SNX29: variants seen among roughly 807,000 people sequenced by gnomAD.
SNX29 encodes the protein sorting nexin-29.
A neutral mutation model predicts 102.1 loss-of-function variants in SNX29; 78 were observed. That is an observed-to-expected ratio of 0.76 (90% CI 0.64 to 0.92). The LOEUF (loss-of-function observed/expected upper bound fraction) is 0.92, where lower values mean the gene tolerates loss of function less well. SNX29 is among the 40% of genes least tolerant of loss of function. The pLI is 0.00. For synonymous variants in SNX29, 580 were observed against 414.5 expected, an observed-to-expected ratio of 1.40 and a Z score of -4.85; for missense variants, 1,280 against 1,061.7, an observed-to-expected ratio of 1.21 and a Z score of -2.86.
intron 16 of SNX29, among the ~76,000 whole-genome samples, chr16:12,385,204 G>C (rs568260004): frequency 1.3e-5 from 2 of 152,132 alleles, no homozygotes; most frequent in South Asian, 2.1e-4. Context: ...GTGGGGACAC[G>C]GGAGAAGGGA....
At chr16:12,303,911 A>C (rs916071859) in intron 15 of SNX29, among the ~76,000 whole-genome samples, 1 of 152,042 alleles carries the variant, frequency 6.6e-6, no homozygotes, top group African/African-American at 2.4e-5. Flanking sequence ...TCTCCCTCCT[A>C]TTCCCCCAGC....
At chr16:12,205,157 G>A (rs958567223) in intron 14 of SNX29, among the ~76,000 whole-genome samples, 5 of 152,200 alleles carry the variant, frequency 3.3e-5, no homozygotes, top group African/African-American at 9.6e-5. Context: ...AGGGGAGCTT[G>A]CAGGGTAACT....
intron 20 of SNX29, among the ~76,000 whole-genome samples, chr16:12,567,750 G>T (rs184700387): frequency 1.3e-5 from 2 of 152,118 alleles, no homozygotes; most frequent in African/African-American, 2.4e-5. Context: ...GGCAAGAGTC[G>T]AGACTGTCTC....
chr16:12,571,894 C>A lies in SNX29; in HGVS notation c.*3265C>A. 2 of 1,061,772 alleles carry A rather than the reference C, an allele frequency of 1.9e-6. No individual in the cohort carries two copies. The highest frequency in any genetic ancestry group is 2.3e-6 in the Non-Finnish European group (2 of 877,050). The allele number at this position is 1,061,772 out of a possible 1,614,324, so 65.8% of individuals were successfully genotyped here. On this transcript the variant is annotated 3_prime_UTR_variant, in exon 21 of 21. Coordinates refer to ENST00000566228, the MANE Select transcript of SNX29 (RefSeq NM_032167.5). The stretch of plus-strand genomic sequence containing the variant: ...TAGAGTTTGGAGCTGAGGTTCAAAG[C>A]CCCCTGCATTTCTCTACTGGCAGGC...
chr16:12,554,511 G>C (rs890150159), intron 20 of SNX29, among the ~76,000 whole-genome samples: 2 of 152,226 alleles, frequency 1.3e-5, no homozygotes, highest in East Asian at 3.9e-4. Flanking sequence ...TCCGCAGCAG[G>C]ATGCTGCATT....
chr16:12,177,663 C>T (rs566477876), intron 13 of SNX29, among the ~76,000 whole-genome samples: 2 of 152,336 alleles, frequency 1.3e-5, no homozygotes, highest in Admixed American at 6.5e-5. Flanking sequence ...CACCCACCCA[C>T]CTATGCAATT....
chr16:12,141,515 A>G (rs350271), intron 13 of SNX29, among the ~76,000 whole-genome samples: 101,255 of 152,224 alleles, frequency 0.67, 34,672 homozygotes, highest in East Asian at 0.91. Context: ...AGCGGCATGG[A>G]CCAACTGACT....
At chr16:12,263,821 A>T (rs962022473) in intron 14 of SNX29, among the ~76,000 whole-genome samples, 6 of 152,200 alleles carry the variant, frequency 3.9e-5, no homozygotes, top group Non-Finnish European at 7.3e-5. Flanking sequence ...ATTGGTCAGT[A>T]ATTCAGTCAG....
chr16:12,417,989 G>T (rs984394391), intron 18 of SNX29, among the ~76,000 whole-genome samples: 1 of 152,158 alleles, frequency 6.6e-6, no homozygotes, highest in African/African-American at 2.4e-5. Context: ...CTGGGAAGGG[G>T]AAGGGAATAG....
intron 19 of SNX29, among the ~76,000 whole-genome samples, chr16:12,481,529 CACACACACACACACACACACACACA>C (rs2087926866): frequency 6.7e-6 from 1 of 149,002 alleles, no homozygotes; most frequent in African/African-American, 2.5e-5. Flanking sequence ...CACACACACA[CACACACACACACACACACACACACA>C]CCCCAAATGT....
chr16:12,104,427 A>C (rs1452697965), intron 11 of SNX29, among the ~76,000 whole-genome samples: 2 of 152,106 alleles, frequency 1.3e-5, no homozygotes, highest in African/African-American at 2.4e-5. Context: ...GTGGTGGTGC[A>C]TGCCTGTAAT....
At position 12,570,308 on chromosome 16, in the gene SNX29, A is replaced by G. The variant is rs966290401; in HGVS notation, c.*1679A>G. ...AGTTTGCGAGTGTGGAGGACCCGAGACATCCTGTAAAGGCAACTTGGTCTC... is the reference window on the plus strand; with the variant it reads ...AGTTTGCGAGTGTGGAGGACCCGAGGCATCCTGTAAAGGCAACTTGGTCTC... On this transcript the variant is annotated 3_prime_UTR_variant, in exon 21 of 21. Coordinates refer to ENST00000566228, the MANE Select transcript of SNX29 (RefSeq NM_032167.5). 2.9e-6 allele frequency: 3 copies of G among 1,029,982 alleles called. No homozygotes were observed. Among genetic ancestry groups the G allele is most frequent in the East Asian group, 5.0e-5 (1 of 19,880 alleles). 63.8% of individuals were successfully genotyped at this position (1,029,982 alleles called of 1,614,324 possible).
At chr16:12,522,233 C>T (rs1355565901) in intron 19 of SNX29, among the ~76,000 whole-genome samples, 2 of 152,202 alleles carry the variant, frequency 1.3e-5, no homozygotes, top group Non-Finnish European at 2.9e-5. Context: ...TTGTATAGAA[C>T]ATACTTTTTG....
chr16:12,245,969 A>T (rs1454084508), intron 14 of SNX29, among the ~76,000 whole-genome samples: 2 of 152,214 alleles, frequency 1.3e-5, no homozygotes, highest in Non-Finnish European at 2.9e-5. Context: ...AGGGATATTA[A>T]CAATGCTTAA....
At chr16:12,189,249 T>G (rs1485337058) in intron 13 of SNX29, among the ~76,000 whole-genome samples, 7 of 152,248 alleles carry the variant, frequency 4.6e-5, no homozygotes, top group Admixed American at 6.5e-5. Context: ...AATCTTCACA[T>G]TATGCTCAAC....
intron 20 of SNX29, among the ~76,000 whole-genome samples, chr16:12,527,826 C>CTTT (rs767257136): frequency 0.023 from 3,213 of 138,290 alleles, 94 homozygotes; most frequent in East Asian, 0.086. Context: ...TCTTCTTCTT[C>CTTT]TTTTTTTTTT....
chr16:12,295,638 C>G (rs966610258), intron 15 of SNX29, among the ~76,000 whole-genome samples: 2 of 152,226 alleles, frequency 1.3e-5, no homozygotes, highest in Non-Finnish European at 2.9e-5. Flanking sequence ...GGCAAGCTCT[C>G]AGCAACTCTT....
chr16:12,286,538 G>C (rs946469512), intron 15 of SNX29, among the ~76,000 whole-genome samples: 15 of 151,328 alleles, frequency 9.9e-5, no homozygotes, highest in African/African-American at 3.6e-4. Context: ...GTAGAGATGG[G>C]GTTTCACCGT....
chr16:12,399,851 G>A (rs1168739022), intron 17 of SNX29, among the ~76,000 whole-genome samples: 3 of 152,100 alleles, frequency 2.0e-5, no homozygotes, highest in Non-Finnish European at 4.4e-5. Flanking sequence ...AGCATGGCAT[G>A]AAGAGGCTCC....
Sources: allele counts gnomAD v4.1 joint callset (sites outside exome capture counted in the v4.1 genomes callset), GRCh38; gene constraint gnomAD v4.1.1; transcripts MANE v1.5; gene names NCBI Gene and HGNC (gene_info 2026-07-23, HGNC 2026-07-21).